ZMYND8: variants seen among roughly 807,000 people sequenced by gnomAD.
ZMYND8 encodes the protein zinc finger MYND-type containing 8.
In ZMYND8, 37 loss-of-function variants were observed where a neutral mutation model predicts 140.8. The ratio of observed to expected loss-of-function variants is 0.26; its 90% CI spans 0.20 to 0.35. The LOEUF (loss-of-function observed/expected upper bound fraction) is 0.35. Among genes scored for constraint, ZMYND8 ranks in the 10% least tolerant of loss-of-function variants. The probability of loss-of-function intolerance (pLI) is 1.00; values close to 1 mark genes in which losing one functional copy is unlikely to be tolerated. For missense variants in ZMYND8, 1,068 were observed against 1,570.0 expected (o/e 0.68, Z 5.40); for synonymous variants, 592 against 597.1 (o/e 0.99, Z 0.12).
At chr20:47,259,898 AC>A (rs1256026936) in intron 12 of ZMYND8, among the ~76,000 whole-genome samples, 1 of 152,060 alleles carries the variant, frequency 6.6e-6, no homozygotes, top group Non-Finnish European at 1.5e-5. Context: ...TCCCACGTAC[AC>A]GTCAAGATTC....
chr20:47,223,433 G>A (rs925392482), intron 19 of ZMYND8, among the ~76,000 whole-genome samples: 2 of 151,582 alleles, frequency 1.3e-5, no homozygotes, highest in Non-Finnish European at 2.9e-5. Context: ...TGGAAGCCAG[G>A]AGGCAGGGTT....
chr20:47,336,659 G>C (rs1411832101), intron 2 of ZMYND8, among the ~76,000 whole-genome samples: 3 of 152,208 alleles, frequency 2.0e-5, no homozygotes, highest in Admixed American at 6.5e-5. Context: ...TCTCGCACAG[G>C]GAATGCAAAA....
At position 47,310,134 on chromosome 20, in the gene ZMYND8, G is replaced by C; in HGVS notation, c.156C>G (p.His52Gln). 7 of 1,613,870 alleles carry C rather than the reference G, an allele frequency of 4.3e-6. No individual in the cohort carries two copies. The highest frequency in any genetic ancestry group is 5.1e-6 in the Non-Finnish European group (6 of 1,180,004). The part of the protein sequence containing the change: ...FPSPPHSSNG[H>Q]SPQDTSTSPI... ...GGCTTGTTGATGTGTCCTGCGGCGAGTGGCCATTGGAAGAATGTGGAGGGC... is the reference window on the plus strand; with the variant it reads ...GGCTTGTTGATGTGTCCTGCGGCGACTGGCCATTGGAAGAATGTGGAGGGC... Residue 52 changes from histidine (H) to glutamine (Q), a missense_variant, in exon 3 of 23, where the codon CAC (histidine) becomes CAG (glutamine). Physicochemically the swap from His to Gln is conservative, Grantham distance 24 (BLOSUM62 0). Transcript: ENST00000471951.
At chr20:47,244,534 G>C (rs2040323307) in intron 14 of ZMYND8, among the ~76,000 whole-genome samples, 1 of 152,180 alleles carries the variant, frequency 6.6e-6, no homozygotes, top group South Asian at 2.1e-4. Flanking sequence ...GGTAGTCACT[G>C]CTGGTTCAGA....
chr20:47,232,906 GT>G (rs758568932), intron 16 of ZMYND8, among the ~76,000 whole-genome samples: 93,385 of 123,028 alleles, frequency 0.76, 34,833 homozygotes, highest in East Asian at 0.9. Flanking sequence ...TGTTTTTTTT[GT>G]TTTTTTTTTT....
intron 11 of ZMYND8, 66 bp downstream of exon 11, chr20:47,276,248 G>C (rs17788224): frequency 0.014 from 20,215 of 1,480,092 alleles, 165 homozygotes; most frequent in Non-Finnish European, 0.016. Flanking sequence ...GGCCCACCAA[G>C]TGTGCACCCA....
Position 47,323,922 on chromosome 20 carries a change from C to T in ZMYND8, c.86-13718G>A, listed in dbSNP as rs138045881. Among the ~76,000 whole-genome samples, 565 of 152,060 alleles carry T rather than the reference C, an allele frequency of 3.7e-3. 6 individuals carry two copies. Among genetic ancestry groups the T allele is most frequent in the South Asian group, 0.017 (80 of 4,816 alleles). On this transcript the variant is annotated intron_variant, in intron 2 of 22. Coordinates refer to ENST00000471951, the MANE Select transcript of ZMYND8 (RefSeq NM_001281775.3). Reference sequence around the variant, plus strand: ...TGTTATTAAGAATGCCAAACCTGGCCGGGCGTGGTGGCTCACGCCTGTAAT... The same window carrying T: ...TGTTATTAAGAATGCCAAACCTGGCTGGGCGTGGTGGCTCACGCCTGTAAT...
chr20:47,278,358 T>C (rs888642458), intron 10 of ZMYND8, among the ~76,000 whole-genome samples: 1 of 152,206 alleles, frequency 6.6e-6, no homozygotes, highest in Non-Finnish European at 1.5e-5. Context: ...AAGGGGACTT[T>C]GCAGAAGCAG....
At chr20:47,287,153 T>G in intron 8 of ZMYND8, 76 bp downstream of exon 8, 1 of 1,330,624 alleles carries the variant, frequency 7.5e-7, no homozygotes, top group East Asian at 2.3e-5. Flanking sequence ...AATAGGAGAT[T>G]CTGCAAATGG....
intron 13 of ZMYND8, among the ~76,000 whole-genome samples, chr20:47,247,647 T>A (rs2040728385): frequency 6.6e-6 from 1 of 152,164 alleles, no homozygotes; most frequent in African/African-American, 2.4e-5. Flanking sequence ...CCCAATCAAG[T>A]CTGTGCAATC....
intron 17 of ZMYND8, among the ~76,000 whole-genome samples, chr20:47,228,227 T>C (rs1420114578): frequency 2.0e-5 from 3 of 152,234 alleles, no homozygotes; most frequent in Non-Finnish European, 1.5e-5. Flanking sequence ...GTTGTCACAA[T>C]TGAGCAGTGT....
At chr20:47,325,090 A>C (rs2080303020) in intron 2 of ZMYND8, among the ~76,000 whole-genome samples, 1 of 152,108 alleles carries the variant, frequency 6.6e-6, no homozygotes, top group Non-Finnish European at 1.5e-5. Context: ...TTTTTGGTAG[A>C]GACGGGGTTT....
intron 11 of ZMYND8, among the ~76,000 whole-genome samples, chr20:47,264,176 G>A (rs991046102): frequency 2.6e-5 from 4 of 152,232 alleles, no homozygotes; most frequent in South Asian, 2.1e-4. Context: ...TTCCTCATCC[G>A]GGAATGATAA....
chr20:47,353,991 G>C (rs1317290419), intron 1 of ZMYND8: 1 of 152,200 alleles, frequency 6.6e-6, no homozygotes, highest in East Asian at 1.9e-4. Context: ...TTAAAAGCTA[G>C]AGTAGAAGAA....
intron 8 of ZMYND8, among the ~76,000 whole-genome samples, chr20:47,286,153 A>G (rs565475702): frequency 6.6e-6 from 1 of 151,898 alleles, no homozygotes; most frequent in Non-Finnish European, 1.5e-5. Flanking sequence ...ATATCTATAT[A>G]TAGATATAAA....
At chr20:47,299,550 CA>C (rs1435698364) in intron 3 of ZMYND8, among the ~76,000 whole-genome samples, 1 of 151,522 alleles carries the variant, frequency 6.6e-6, no homozygotes, top group African/African-American at 2.4e-5. Flanking sequence ...TTTCAGTCAC[CA>C]AAAAATGGTT....
chr20:47,224,499 G>A lies in ZMYND8; in HGVS notation c.3074C>T (p.Ala1025Val). The change falls in exon 19 of 23, where the codon GCC (alanine) becomes GTC (valine). Residue 1025 changes from alanine to valine, a missense_variant. Transcript: ENST00000471951. Reference sequence around the variant, plus strand: ...CAACTCCAGCTGCTTCTTCACCTCGGCGATGAGCCGGTCCCGCTCCTGCTC... The same window carrying A: ...CAACTCCAGCTGCTTCTTCACCTCGACGATGAGCCGGTCCCGCTCCTGCTC... ...SLEQERDRLI[A>V]EVKKQLELEK... 6.2e-7 allele frequency: 1 copy of A among 1,614,140 alleles called. No homozygotes were observed. Among genetic ancestry groups the A allele is most frequent in the African/African-American group, 1.3e-5 (1 of 75,048 alleles).
chr20:47,303,443 C>T (rs1314720888), intron 3 of ZMYND8, among the ~76,000 whole-genome samples: 2 of 152,254 alleles, frequency 1.3e-5, no homozygotes, highest in Middle Eastern at 3.4e-3. Context: ...ATCAGCTGGG[C>T]ACAGTGGCTC....
At chr20:47,221,541 G>A (rs781543576) in intron 19 of ZMYND8, 67 bp from the exon 20 acceptor site, 55 of 1,550,324 alleles carry the variant, frequency 3.5e-5, no homozygotes, top group Non-Finnish European at 4.5e-5. Context: ...AACATGCATG[G>A]AGCCCCGCCC....
Sources: allele counts gnomAD v4.1 joint callset (sites outside exome capture counted in the v4.1 genomes callset), GRCh38; gene constraint gnomAD v4.1.1; transcripts MANE v1.5; gene names NCBI Gene and HGNC (gene_info 2026-07-23, HGNC 2026-07-21).